PDS5A: variants seen among roughly 807,000 people sequenced by gnomAD.
PDS5A encodes PDS5 cohesin associated factor A, also known as sister chromatid cohesion protein PDS5 homolog A.
Under a neutral mutation model 167.1 loss-of-function variants are expected in PDS5A, and 42 were observed. That is an observed-to-expected ratio of 0.25 (90% CI 0.20 to 0.33). PDS5A has a LOEUF of 0.33. Among genes scored for constraint, PDS5A ranks in the 10% least tolerant of loss-of-function variants. The probability of loss-of-function intolerance (pLI) is 1.00; values close to 1 mark genes in which losing one functional copy is unlikely to be tolerated. For missense variants in PDS5A, 1,033 were observed against 1,605.9 expected, an observed-to-expected ratio of 0.64 and a Z score of 6.10; for synonymous variants, 553 against 554.6, an observed-to-expected ratio of 1.00 and a Z score of 0.04.
intron 21 of PDS5A, 86 bp from the exon 22 acceptor site, chr4:39,869,548 C>T: frequency 1.2e-6 from 1 of 812,268 alleles, no homozygotes; most frequent in Non-Finnish European, 2.1e-6. Context: ...TTGATCAACA[C>T]AGCCTCTGAG....
At chr4:39,879,906 C>T (rs1376761235) in intron 17 of PDS5A, 73 bp from the exon 18 acceptor site, 19 of 881,102 alleles carry the variant, frequency 2.2e-5, no homozygotes, top group Non-Finnish European at 3.4e-5. Flanking sequence ...TGTGACAGAA[C>T]ATATATAGAA....
At chr4:39,880,326 TA>T (rs1720825455) in intron 17 of PDS5A, among the ~76,000 whole-genome samples, 1 of 152,172 alleles carries the variant, frequency 6.6e-6, no homozygotes, top group African/African-American at 2.4e-5. Context: ...ATGCTGTATT[TA>T]TAAAGATTCA....
At chr4:39,863,665 AT>A (rs1329534123) in intron 23 of PDS5A, among the ~76,000 whole-genome samples, 1 of 152,164 alleles carries the variant, frequency 6.6e-6, no homozygotes. Context: ...TGACTTTCTG[AT>A]TACAAATTTA....
chr4:39,922,018 G>T (rs1413709687), intron 6 of PDS5A, among the ~76,000 whole-genome samples: 2 of 152,192 alleles, frequency 1.3e-5, no homozygotes, highest in Non-Finnish European at 2.9e-5. Flanking sequence ...GAAGAAAAGA[G>T]CAGGAGAGCA....
At chr4:39,954,681 A>T (rs1439686582) in intron 2 of PDS5A, among the ~76,000 whole-genome samples, 1 of 150,992 alleles carries the variant, frequency 6.6e-6, no homozygotes, top group Non-Finnish European at 1.5e-5. Flanking sequence ...AAAAAAAAAA[A>T]AAAAAAAAAA....
At position 39,862,310 on chromosome 4, in the gene PDS5A, C is replaced by A; in HGVS notation, c.2995G>T (p.Glu999Ter). Reference protein sequence around the residue: ...ATEKLLSLLPEYVVPYMIHLL... With the variant: ...ATEKLLSLLP Reference sequence around the variant, plus strand: ...TGAATCATGTATGGAACTACATATTCAGGCAACAGTGATAATAATTTCTCT... The same window carrying A: ...TGAATCATGTATGGAACTACATATTAAGGCAACAGTGATAATAATTTCTCT... The change falls in exon 26 of 33, where the codon GAA becomes TAA. Residue 999 changes from glutamate (E) to a stop codon, truncating the protein, a stop_gained. Coordinates refer to ENST00000303538, the MANE Select transcript of PDS5A (RefSeq NM_001100399.2). LOFTEE classifies it high-confidence loss of function. The A allele has an allele frequency of 1.3e-6, 2 of 1,506,822 alleles. No individual in the cohort carries two copies. The highest frequency in any genetic ancestry group is 2.4e-5 in the East Asian group (1 of 41,206). The allele number at this position is 1,506,822 out of a possible 1,614,324, so 93.3% of individuals were successfully genotyped here.
At chr4:39,901,403 G>C (rs1722878625) in intron 13 of PDS5A, among the ~76,000 whole-genome samples, 1 of 151,724 alleles carries the variant, frequency 6.6e-6, no homozygotes, top group Admixed American at 6.6e-5. Flanking sequence ...TAGTAGCTGG[G>C]ATTACAGGCG....
intron 5 of PDS5A, among the ~76,000 whole-genome samples, chr4:39,923,928 CAA>C (rs1306994306): frequency 6.6e-6 from 1 of 152,064 alleles, no homozygotes; most frequent in East Asian, 1.9e-4. Context: ...TACTGAAAAT[CAA>C]AAGTTTCATC....
At chr4:39,838,717 T>C (rs1439316787) in intron 31 of PDS5A, among the ~76,000 whole-genome samples, 4 of 150,930 alleles carry the variant, frequency 2.7e-5, no homozygotes, top group Non-Finnish European at 5.9e-5. Context: ...AGGGAGATCT[T>C]ATCTCAAAAT....
In PDS5A at chr4:39,823,792, C is replaced by T. The variant is rs1029710924; in HGVS notation, c.*1693G>A. ...GTATCCATTGTTCCCTAAGCATCTT[C>T]TGATACCTAAATGTGTGTAAATGCA... On this transcript the variant is annotated 3_prime_UTR_variant, in exon 33 of 33. Coordinates refer to ENST00000303538, the MANE Select transcript of PDS5A (RefSeq NM_001100399.2). The T allele has an allele frequency of 2.6e-5, 4 of 152,588 alleles. No homozygotes were observed. Among genetic ancestry groups the T allele is most frequent in the African/African-American group, 9.7e-5 (4 of 41,420 alleles). The allele number at this position is 152,588 out of a possible 1,614,324, so 9.5% of individuals were successfully genotyped here.
intron 2 of PDS5A, among the ~76,000 whole-genome samples, chr4:39,974,693 G>A (rs1456310878): frequency 6.6e-6 from 1 of 152,024 alleles, no homozygotes; most frequent in Non-Finnish European, 1.5e-5. Flanking sequence ...ACAGGTATGC[G>A]CCACCACGCC....
intron 2 of PDS5A, chr4:39,974,408 T>C: frequency 2.8e-6 from 1 of 353,088 alleles, no homozygotes; most frequent in South Asian, 2.3e-5. Flanking sequence ...TTGAAAACAA[T>C]AAATATTAAC....
intron 2 of PDS5A, chr4:39,973,292 T>G: frequency 6.2e-7 from 1 of 1,604,586 alleles, no homozygotes; most frequent in Non-Finnish European, 8.5e-7. Flanking sequence ...GATGCCAACA[T>G]GGAAGCAGTC....
intron 17 of PDS5A, among the ~76,000 whole-genome samples, chr4:39,882,329 T>G (rs923934273): frequency 6.6e-6 from 1 of 152,222 alleles, no homozygotes; most frequent in Non-Finnish European, 1.5e-5. Flanking sequence ...TATAATCCTT[T>G]ACCAAATACA....
intron 17 of PDS5A, among the ~76,000 whole-genome samples, chr4:39,886,987 C>G (rs1011176098): frequency 6.6e-6 from 1 of 151,838 alleles, no homozygotes; most frequent in African/African-American, 2.4e-5. Context: ...TGCAACTATA[C>G]TGAATTCATT....
At chr4:39,884,863 G>GC in intron 17 of PDS5A, among the ~76,000 whole-genome samples, 1 of 152,096 alleles carries the variant, frequency 6.6e-6, no homozygotes, top group South Asian at 2.1e-4. Flanking sequence ...ACTTCCTATA[G>GC]ACCATTAACT....
At chr4:39,957,391 T>C (rs915943927) in intron 2 of PDS5A, among the ~76,000 whole-genome samples, 6 of 152,116 alleles carry the variant, frequency 3.9e-5, no homozygotes, top group African/African-American at 1.4e-4. Context: ...GTACATAAAA[T>C]GTTGCTAGCC....
intron 17 of PDS5A, among the ~76,000 whole-genome samples, chr4:39,881,100 C>G (rs1359994910): frequency 6.6e-6 from 1 of 151,962 alleles, no homozygotes; most frequent in Non-Finnish European, 1.5e-5. Context: ...ATAATGTCCT[C>G]CAATGCCATT....
At chr4:39,842,905 ATTTTTATATATATATATATAT>A (rs1472294871) in intron 30 of PDS5A, among the ~76,000 whole-genome samples, 1 of 72,840 alleles carries the variant, frequency 1.4e-5, no homozygotes, top group African/African-American at 4.7e-5. Context: ...AACTTATCCT[ATTTTTATATATATATATATAT>A]ATATATATAT....
Sources: allele counts gnomAD v4.1 joint callset (sites outside exome capture counted in the v4.1 genomes callset), GRCh38; gene constraint gnomAD v4.1.1; transcripts MANE v1.5; gene names NCBI Gene and HGNC (gene_info 2026-07-23, HGNC 2026-07-21).